The following VTI1A variants were observed in gnomAD, a reference collection of about 807,000 sequenced individuals.
VTI1A encodes vesicle transport through interaction with t-SNAREs homolog 1A.
In VTI1A, 22 loss-of-function variants were observed where a neutral mutation model predicts 34.9. The ratio of observed to expected loss-of-function variants is 0.63; its 90% CI spans 0.45 to 0.90. The LOEUF (loss-of-function observed/expected upper bound fraction) is 0.90. Among genes scored for constraint, VTI1A ranks in the 40% least tolerant of loss-of-function variants. The pLI is 0.00. For missense variants in VTI1A, 268 were observed against 275.6 expected (o/e 0.97, Z 0.20); for synonymous variants, 87 against 97.3 (o/e 0.89, Z 0.62).
chr10:112,778,785 TA>T lies in VTI1A; in HGVS notation c.561-36504del, dbSNP rs370234995. Among the ~76,000 whole-genome samples, 724 of 152,276 alleles carry T rather than the reference TA, an allele frequency of 4.8e-3. 7 individuals are homozygous for T. The highest frequency in any genetic ancestry group is 0.017 in the African/African-American group (698 of 41,550). On this transcript the variant is annotated intron_variant, in intron 7 of 7. Transcript: ENST00000393077. ...TCCTTGCTCTACTGGGAGACATAAATAGCTTTCTTATCAGACATTTTTTTGT... is the reference window on the plus strand; with the variant it reads ...TCCTTGCTCTACTGGGAGACATAAATGCTTTCTTATCAGACATTTTTTTGT...
At chr10:112,759,954 C>T (rs3885400) in intron 7 of VTI1A, among the ~76,000 whole-genome samples, 5,467 of 152,250 alleles carry the variant, frequency 0.036, 450 homozygotes, top group East Asian at 0.25. Context: ...TGAGAAGTGA[C>T]GGGGCAGTTT....
chr10:112,851,848 AG>A, the VTI1A span, among the ~76,000 whole-genome samples: 10 of 152,220 alleles, frequency 6.6e-5, no homozygotes, highest in Admixed American at 1.3e-4. Context: ...TAATGGCCGT[AG>A]GAAGACTGTT....
chr10:112,580,660 G>A (rs1336148382), intron 5 of VTI1A, among the ~76,000 whole-genome samples: 2 of 152,136 alleles, frequency 1.3e-5, no homozygotes, highest in East Asian at 3.9e-4. Flanking sequence ...GGGTAGTAGG[G>A]AGTGCAAAGT....
In VTI1A at chr10:112,731,911, T is replaced by G. The variant is rs140718149; in HGVS notation, c.560+62913T>G. On this transcript the variant is annotated intron_variant, in intron 7 of 7. Coordinates refer to ENST00000393077, the MANE Select transcript of VTI1A (RefSeq NM_145206.4). ...AACTTAAAAAGAAAATAATCCTTTT[T>G]GAGAGGCATTAACTATTTTTTAAAG... Among the ~76,000 whole-genome samples, 704 of 152,350 alleles carry G rather than the reference T, an allele frequency of 4.6e-3. 2 individuals are homozygous for G. The highest frequency in any genetic ancestry group is 8.1e-3 in the Non-Finnish European group (550 of 68,030).
intron 5 of VTI1A, among the ~76,000 whole-genome samples, chr10:112,626,404 T>C (rs1317744225): frequency 1.8e-5 from 1 of 54,660 alleles, no homozygotes; most frequent in Non-Finnish European, 3.4e-5. Flanking sequence ...GCAAATTGAA[T>C]TTGAGATATA....
At chr10:112,627,970 A>T (rs1206385771) in intron 5 of VTI1A, among the ~76,000 whole-genome samples, 1 of 152,196 alleles carries the variant, frequency 6.6e-6, no homozygotes, top group African/African-American at 2.4e-5. Context: ...ACAGAGTCAC[A>T]TGAGAAAATG....
intron 5 of VTI1A, among the ~76,000 whole-genome samples, chr10:112,563,371 T>G (rs1851796493): frequency 6.6e-6 from 1 of 152,234 alleles, no homozygotes. Context: ...TGATGGACTT[T>G]GTATGCAAAA....
intron 3 of VTI1A, among the ~76,000 whole-genome samples, chr10:112,499,552 C>T (rs1849150510): frequency 6.6e-6 from 1 of 152,176 alleles, no homozygotes; most frequent in Admixed American, 6.5e-5. Context: ...CATTCTCCAC[C>T]ATTTTTTCAA....
At position 112,511,810 on chromosome 10, in the gene VTI1A, C is replaced by T. The variant is rs114331732; in HGVS notation, c.265-15277C>T. ...TTTAGTTCCCACATATAAGTGAGAA[C>T]ATGTAATATTTGTCTTTTTGTGCCT... On this transcript the variant is annotated intron_variant, in intron 3 of 7. Transcript: ENST00000393077. Among the ~76,000 whole-genome samples, 587 of 152,256 alleles carry T rather than the reference C, an allele frequency of 3.9e-3. 6 individuals carry two copies. Among genetic ancestry groups the T allele is most frequent in the African/African-American group, 0.014 (563 of 41,560 alleles).
intron 5 of VTI1A, among the ~76,000 whole-genome samples, chr10:112,657,251 T>C (rs1847263923): frequency 6.6e-6 from 1 of 152,252 alleles, no homozygotes; most frequent in Non-Finnish European, 1.5e-5. Flanking sequence ...GTAAGGCCTG[T>C]TCTCTTCCTG....
chr10:112,835,070 C>G, the VTI1A span, among the ~76,000 whole-genome samples: 3 of 152,148 alleles, frequency 2.0e-5, no homozygotes, highest in Non-Finnish European at 4.4e-5. Context: ...ATAAAGCATG[C>G]TTAGACACAG....
the VTI1A span, among the ~76,000 whole-genome samples, chr10:112,829,267 ACC>A: frequency 6.6e-6 from 1 of 151,624 alleles, no homozygotes; most frequent in Non-Finnish European, 1.5e-5. Context: ...ACACGGTGAA[ACC>A]CCGTCTCTAC....
chr10:112,705,556 C>T (rs918654226), intron 7 of VTI1A, among the ~76,000 whole-genome samples: 6 of 152,146 alleles, frequency 3.9e-5, no homozygotes, highest in African/African-American at 7.2e-5. Context: ...GCACCCATCT[C>T]GTTCCCTGTG....
chr10:112,686,090 T>C (rs1413096054), intron 7 of VTI1A, among the ~76,000 whole-genome samples: 2 of 152,278 alleles, frequency 1.3e-5, no homozygotes, highest in South Asian at 2.1e-4. Context: ...AGATGGGGAA[T>C]GTGGAGAAAA....
chr10:112,735,922 G>A (rs1052706088), intron 7 of VTI1A, among the ~76,000 whole-genome samples: 3 of 151,200 alleles, frequency 2.0e-5, no homozygotes, highest in African/African-American at 2.4e-5. Context: ...CGGGGACAAC[G>A]AATTTAATTT....
intron 7 of VTI1A, among the ~76,000 whole-genome samples, chr10:112,693,093 A>G (rs984590): frequency 0.99 from 150,617 of 152,324 alleles, 74,486 homozygotes; most frequent in East Asian, 1. Context: ...ACTCAAACAT[A>G]GAATCAAAAC....
chr10:112,783,748 C>T (rs1340987741), intron 7 of VTI1A, among the ~76,000 whole-genome samples: 5 of 152,142 alleles, frequency 3.3e-5, no homozygotes, highest in Admixed American at 2.6e-4. Context: ...GCATAATTAC[C>T]GTGGCCACCT....
intron 7 of VTI1A, among the ~76,000 whole-genome samples, chr10:112,748,798 T>C (rs2133988499): frequency 6.6e-6 from 1 of 151,818 alleles, no homozygotes; most frequent in South Asian, 2.1e-4. Context: ...GCTAATTTTT[T>C]TTTTTTATTT....
intron 7 of VTI1A, among the ~76,000 whole-genome samples, chr10:112,709,654 T>C: frequency 1.4e-5 from 2 of 146,218 alleles, no homozygotes. Flanking sequence ...ATTTTTCAGA[T>C]CTCCCCAACA....
Sources: allele counts gnomAD v4.1 joint callset (sites outside exome capture counted in the v4.1 genomes callset), GRCh38; gene constraint gnomAD v4.1.1; transcripts MANE v1.5; gene names NCBI Gene and HGNC (gene_info 2026-07-23, HGNC 2026-07-21).